PKNOX2: variants seen among roughly 807,000 people sequenced by gnomAD.
PKNOX2 encodes homeobox protein PKNOX2.
Under a neutral mutation model 53.1 loss-of-function variants are expected in PKNOX2, and 14 were observed. The ratio of observed to expected loss-of-function variants is 0.26; its 90% CI spans 0.17 to 0.41. The LOEUF (loss-of-function observed/expected upper bound fraction) is 0.41, where lower values mean the gene tolerates loss of function less well. Ranked by LOEUF, PKNOX2 falls within the 10% of genes least tolerant of loss-of-function variation. The pLI is 1.00. For missense variants in PKNOX2, 496 were observed against 602.8 expected, an observed-to-expected ratio of 0.82 and a Z score of 1.85; for synonymous variants, 257 against 242.8, an observed-to-expected ratio of 1.06 and a Z score of -0.54.
intron 2 of PKNOX2, among the ~76,000 whole-genome samples, chr11:125,285,682 G>A (rs1379640051): frequency 6.6e-6 from 1 of 152,228 alleles, no homozygotes; most frequent in African/African-American, 2.4e-5. Flanking sequence ...GGAGCCAGCT[G>A]GTGCCAGCTT....
intron 2 of PKNOX2, among the ~76,000 whole-genome samples, chr11:125,283,809 A>G (rs1381247304): frequency 2.0e-5 from 3 of 152,182 alleles, no homozygotes; most frequent in Non-Finnish European, 4.4e-5. Context: ...TGTGTCCAGG[A>G]TAGAAAGGTG....
At chr11:125,369,202 T>C (rs944608328) in intron 5 of PKNOX2, among the ~76,000 whole-genome samples, 1 of 152,240 alleles carries the variant, frequency 6.6e-6, no homozygotes, top group African/African-American at 2.4e-5. Context: ...AGCAGTGGCC[T>C]CTGATCACGG....
intron 6 of PKNOX2, among the ~76,000 whole-genome samples, chr11:125,393,455 C>T (rs1273912787): frequency 6.6e-6 from 1 of 152,142 alleles, no homozygotes; most frequent in East Asian, 1.9e-4. Context: ...GCCCAGTGAC[C>T]GGGAGAGGCT....
chr11:125,282,590 C>T (rs933261828), intron 2 of PKNOX2, among the ~76,000 whole-genome samples: 1 of 152,160 alleles, frequency 6.6e-6, no homozygotes, highest in Non-Finnish European at 1.5e-5. Flanking sequence ...AGGGACCACA[C>T]GTTGAAAAGC....
chr11:125,380,573 G>A (rs953219862), intron 5 of PKNOX2, among the ~76,000 whole-genome samples: 2 of 152,182 alleles, frequency 1.3e-5, no homozygotes, highest in Admixed American at 1.3e-4. Flanking sequence ...TGGACACCAA[G>A]TGTCCACATC....
At chr11:125,413,902 G>A (rs951088684) in intron 10 of PKNOX2, among the ~76,000 whole-genome samples, 1 of 152,160 alleles carries the variant, frequency 6.6e-6, no homozygotes, top group African/African-American at 2.4e-5. Context: ...AGGTGTCCAG[G>A]CCAGCACCTG....
chr11:125,367,107 T>TA (rs1406009306), intron 4 of PKNOX2, among the ~76,000 whole-genome samples: 1 of 152,056 alleles, frequency 6.6e-6, no homozygotes, highest in African/African-American at 2.4e-5. Flanking sequence ...AGTGATGGTT[T>TA]AAAAAAAATG....
chr11:125,242,154 G>C (rs57149962), intron 2 of PKNOX2, among the ~76,000 whole-genome samples: 1 of 152,130 alleles, frequency 6.6e-6, no homozygotes, highest in African/African-American at 2.4e-5. Flanking sequence ...CCTGTGCTTG[G>C]TGTGTCGCTG....
intron 2 of PKNOX2, among the ~76,000 whole-genome samples, chr11:125,254,325 G>A (rs1020135788): frequency 6.6e-6 from 1 of 152,226 alleles, no homozygotes; most frequent in Non-Finnish European, 1.5e-5. Context: ...TGGGGTTCCT[G>A]GAGGTTCTAC....
intron 6 of PKNOX2, among the ~76,000 whole-genome samples, chr11:125,387,036 C>T (rs1041780304): frequency 6.6e-6 from 1 of 152,210 alleles, no homozygotes; most frequent in Admixed American, 6.5e-5. Context: ...CATCCGTTTC[C>T]CTGGCTGGGA....
chr11:125,230,251 G>A (rs1477230213), intron 1 of PKNOX2, among the ~76,000 whole-genome samples: 1 of 152,236 alleles, frequency 6.6e-6, no homozygotes, highest in Non-Finnish European at 1.5e-5. Flanking sequence ...GAGGCAACAA[G>A]TTAGCACTAG....
At chr11:125,379,274 C>T (rs1953071623) in intron 5 of PKNOX2, among the ~76,000 whole-genome samples, 1 of 152,024 alleles carries the variant, frequency 6.6e-6, no homozygotes, top group African/African-American at 2.4e-5. Flanking sequence ...GTTGACCAGG[C>T]TGGTCTCAAA....
chr11:125,263,246 C>G (rs1178679182), intron 2 of PKNOX2, among the ~76,000 whole-genome samples: 1 of 152,262 alleles, frequency 6.6e-6, no homozygotes, highest in African/African-American at 2.4e-5. Context: ...GAGACCTCCT[C>G]TCTCTAGAGC....
intron 1 of PKNOX2, among the ~76,000 whole-genome samples, chr11:125,177,418 CAG>C (rs2135241405): frequency 6.6e-6 from 1 of 152,302 alleles, no homozygotes; most frequent in South Asian, 2.1e-4. Context: ...TGGGCATCCT[CAG>C]AGTTAGCAAA....
chr11:125,320,268 CCCCTCCTTTTCTA>C (rs1949445618), intron 2 of PKNOX2, among the ~76,000 whole-genome samples: 1 of 152,142 alleles, frequency 6.6e-6, no homozygotes, highest in East Asian at 1.9e-4. Context: ...TGAATTAGCA[CCCCTCCTTTTCTA>C]ACACAGCAGA....
chr11:125,234,179 G>T (rs60088185), intron 1 of PKNOX2, among the ~76,000 whole-genome samples: 1 of 152,090 alleles, frequency 6.6e-6, no homozygotes, highest in Non-Finnish European at 1.5e-5. Context: ...CTTGAGTGCC[G>T]CGACTCTTGC....
chr11:125,412,499 T>A (rs1229530015), intron 10 of PKNOX2, among the ~76,000 whole-genome samples: 1 of 152,204 alleles, frequency 6.6e-6, no homozygotes, highest in African/African-American at 2.4e-5. Flanking sequence ...TTGCTATGTG[T>A]TTGTGTGCAG....
chr11:125,415,234 CTTTTTT>C (rs35920181), intron 10 of PKNOX2, among the ~76,000 whole-genome samples: 3 of 77,572 alleles, frequency 3.9e-5, no homozygotes, highest in Admixed American at 1.7e-4. Flanking sequence ...TAAAGTTTAG[CTTTTTT>C]TTTTTTTTTT....
At chr11:125,262,138 AC>A (rs887167314) in intron 2 of PKNOX2, among the ~76,000 whole-genome samples, 3 of 152,092 alleles carry the variant, frequency 2.0e-5, no homozygotes, top group Non-Finnish European at 4.4e-5. Context: ...TGCTCACAAG[AC>A]GCCTTTGGTG....
Sources: allele counts gnomAD v4.1 joint callset (sites outside exome capture counted in the v4.1 genomes callset), GRCh38; gene constraint gnomAD v4.1.1; transcripts MANE v1.5; gene names NCBI Gene and HGNC (gene_info 2026-07-23, HGNC 2026-07-21).